MTUS2: variants seen among roughly 807,000 people sequenced by gnomAD.
MTUS2 encodes the protein microtubule-associated tumor suppressor candidate 2.
MTUS2 carries 40 observed loss-of-function variants against 114.1 expected under a neutral mutation model. That is an observed-to-expected ratio of 0.35 (90% confidence interval 0.27 to 0.46). The LOEUF (loss-of-function observed/expected upper bound fraction) is 0.46. Ranked by LOEUF, MTUS2 falls within the 20% of genes least tolerant of loss-of-function variation. The pLI, the probability that MTUS2 is intolerant of heterozygous loss-of-function variation, is 1.00. For synonymous variants in MTUS2, 688 were observed against 672.0 expected (o/e 1.02, Z -0.37); for missense variants, 1,679 against 1,705.4 (o/e 0.98, Z 0.27).
At chr13:29,443,631 TG>T (rs1182636745) in intron 9 of MTUS2, among the ~76,000 whole-genome samples, 1 of 152,130 alleles carries the variant, frequency 6.6e-6, no homozygotes, top group Non-Finnish European at 1.5e-5. Context: ...GAGATTGCAT[TG>T]GTGAGAGAAG....
chr13:29,160,998 A>G (rs958489322), intron 5 of MTUS2, among the ~76,000 whole-genome samples: 42 of 152,214 alleles, frequency 2.8e-4, no homozygotes, highest in African/African-American at 9.9e-4. Flanking sequence ...TCAAAGGGTT[A>G]TGGATGAAGT....
intron 2 of MTUS2, among the ~76,000 whole-genome samples, chr13:28,901,794 C>A (rs1200993781): frequency 6.6e-6 from 1 of 152,052 alleles, no homozygotes; most frequent in East Asian, 1.9e-4. Flanking sequence ...TAGAGTAGTT[C>A]TTCCTATTGT....
chr13:28,948,625 CTTGCAATCTGTTGAA>C (rs1169849790), intron 2 of MTUS2, among the ~76,000 whole-genome samples: 3 of 152,192 alleles, frequency 2.0e-5, no homozygotes, highest in Non-Finnish European at 4.4e-5. Context: ...AAAATAGATG[CTTGCAATCTGTTGAA>C]ATATCAGAGG....
chr13:29,160,769 C>CAA (rs71090227), intron 5 of MTUS2, among the ~76,000 whole-genome samples: 12 of 119,084 alleles, frequency 1.0e-4, no homozygotes, highest in Non-Finnish European at 1.3e-4. Flanking sequence ...GACTCCGTCT[C>CAA]AAAAAAAAAA....
intron 5 of MTUS2, among the ~76,000 whole-genome samples, chr13:29,251,376 T>G (rs1273819391): frequency 6.6e-6 from 1 of 152,050 alleles, no homozygotes; most frequent in Non-Finnish European, 1.5e-5. Context: ...AAACTTACAT[T>G]TTGACCATTT....
chr13:29,301,524 T>C (rs937675628), intron 6 of MTUS2, among the ~76,000 whole-genome samples: 2 of 152,228 alleles, frequency 1.3e-5, no homozygotes, highest in African/African-American at 4.8e-5. Flanking sequence ...TTATTAATAA[T>C]CTACAGTGTG....
chr13:28,934,985 C>T (rs936505207), intron 2 of MTUS2, among the ~76,000 whole-genome samples: 1 of 147,550 alleles, frequency 6.8e-6, no homozygotes, highest in Non-Finnish European at 1.5e-5. Flanking sequence ...CGTAGGTGAC[C>T]ACTTGTTTCA....
intron 5 of MTUS2, among the ~76,000 whole-genome samples, chr13:29,208,624 T>C (rs1375871494): frequency 6.6e-6 from 1 of 152,122 alleles, no homozygotes; most frequent in Non-Finnish European, 1.5e-5. Flanking sequence ...TTTTAATAGG[T>C]CGTATCACTA....
At position 29,025,292 on chromosome 13, in the gene MTUS2, A is replaced by G. The variant is rs1182142034; in HGVS notation, c.594A>G (p.Leu198=). Residue 198 remains leucine (L), a synonymous_variant, in exon 3 of 16, where the codon CTA becomes CTG. Transcript: ENST00000612955. Reference sequence around the variant, plus strand: ...TGACTCCGCAGCATCCACAGCCTCTATCCCTCGACTCCCGGGAAGCACGGG... The same window carrying G: ...TGACTCCGCAGCATCCACAGCCTCTGTCCCTCGACTCCCGGGAAGCACGGG... ...GSLTPQHPQP[L]SLDSREARGQ... 3.1e-6 allele frequency: 5 copies of G among 1,613,930 alleles called. No homozygotes were observed. Among genetic ancestry groups the G allele is most frequent in the Non-Finnish European group, 4.2e-6 (5 of 1,179,878 alleles).
chr13:29,298,012 G>A (rs1170551755), intron 6 of MTUS2, among the ~76,000 whole-genome samples: 2 of 152,142 alleles, frequency 1.3e-5, no homozygotes, highest in East Asian at 3.8e-4. Flanking sequence ...CTGTTCATAT[G>A]TCAAATACAA....
At chr13:28,828,530 G>T (rs1874430188) in intron 1 of MTUS2, among the ~76,000 whole-genome samples, 1 of 152,170 alleles carries the variant, frequency 6.6e-6, no homozygotes, top group Non-Finnish European at 1.5e-5. Context: ...ACAGGTGTAA[G>T]AAATTATAAA....
chr13:29,022,598 C>G (rs909237380), intron 2 of MTUS2, among the ~76,000 whole-genome samples: 14 of 152,316 alleles, frequency 9.2e-5, no homozygotes, highest in African/African-American at 3.4e-4. Context: ...TAACAGTAGC[C>G]TCACATGTGG....
At chr13:29,314,146 G>A (rs1467147200) in intron 6 of MTUS2, among the ~76,000 whole-genome samples, 1 of 152,194 alleles carries the variant, frequency 6.6e-6, no homozygotes, top group East Asian at 1.9e-4. Context: ...GAATGATGAT[G>A]TGACTCAAAT....
intron 2 of MTUS2, among the ~76,000 whole-genome samples, chr13:28,942,545 C>G (rs539900598): frequency 1.3e-5 from 2 of 152,298 alleles, no homozygotes; most frequent in African/African-American, 4.8e-5. Context: ...CCTAACAGCT[C>G]CAAACTGGAA....
chr13:29,317,032 C>T (rs1220242484), intron 6 of MTUS2, among the ~76,000 whole-genome samples: 1 of 152,170 alleles, frequency 6.6e-6, no homozygotes, highest in African/African-American at 2.4e-5. Context: ...ATTTCAAAAA[C>T]CACTTGTTCA....
At chr13:28,905,377 T>G (rs1879930048) in intron 2 of MTUS2, among the ~76,000 whole-genome samples, 1 of 151,618 alleles carries the variant, frequency 6.6e-6, no homozygotes, top group Non-Finnish European at 1.5e-5. Flanking sequence ...TTCAGTATGA[T>G]ATTGGCTGTG....
chr13:28,961,077 TTATC>T (rs1362524196), intron 2 of MTUS2, among the ~76,000 whole-genome samples: 2 of 151,932 alleles, frequency 1.3e-5, no homozygotes, highest in East Asian at 3.9e-4. Flanking sequence ...ATAATAGAAA[TTATC>T]TAAACAACAG....
chr13:29,096,695 G>A (rs930700133), intron 4 of MTUS2, among the ~76,000 whole-genome samples: 10 of 152,126 alleles, frequency 6.6e-5, no homozygotes, highest in African/African-American at 2.4e-4. Flanking sequence ...TGTTCTTATG[G>A]CCTGCCTCTA....
At chr13:29,435,518 G>A (rs1462778037) in intron 8 of MTUS2, among the ~76,000 whole-genome samples, 2 of 152,124 alleles carry the variant, frequency 1.3e-5, no homozygotes, top group African/African-American at 2.4e-5. Flanking sequence ...AGGGAGTCCC[G>A]GGTGTTCAAC....
Sources: allele counts gnomAD v4.1 joint callset (sites outside exome capture counted in the v4.1 genomes callset), GRCh38; gene constraint gnomAD v4.1.1; transcripts MANE v1.5; gene names NCBI Gene and HGNC (gene_info 2026-07-23, HGNC 2026-07-21).